PTPRZ1: variants seen among roughly 807,000 people sequenced by gnomAD.
PTPRZ1 encodes the protein protein tyrosine phosphatase receptor type Z1, also known as receptor-type tyrosine-protein phosphatase zeta.
Under a neutral mutation model 214.1 loss-of-function variants are expected in PTPRZ1, and 82 were observed. The ratio of observed to expected loss-of-function variants is 0.38; its 90% CI spans 0.32 to 0.46. The LOEUF is 0.46. PTPRZ1 is among the 20% of genes least tolerant of loss of function. The probability of loss-of-function intolerance (pLI) is 1.00; values close to 1 mark genes in which losing one functional copy is unlikely to be tolerated. For synonymous variants in PTPRZ1, 945 were observed against 987.9 expected, an observed-to-expected ratio of 0.96 and a Z score of 0.81; for missense variants, 2,603 against 2,748.7, an observed-to-expected ratio of 0.95 and a Z score of 1.19.
At chr7:121,929,857 A>G (rs1427932424) in intron 2 of PTPRZ1, among the ~76,000 whole-genome samples, 1 of 130,950 alleles carries the variant, frequency 7.6e-6, no homozygotes, top group Non-Finnish European at 1.6e-5. Flanking sequence ...TAAATAAATA[A>G]ATAGATTTGT....
intron 8 of PTPRZ1, among the ~76,000 whole-genome samples, chr7:121,988,187 A>G (rs573611515): frequency 6.6e-6 from 1 of 152,214 alleles, no homozygotes; most frequent in African/African-American, 2.4e-5. Flanking sequence ...AAATAAATAA[A>G]TACATAAATA....
At position 121,997,909 on chromosome 7, in the gene PTPRZ1, T is replaced by C; in HGVS notation, c.1143T>C (p.Asn381=). 1 of 1,609,736 alleles carries C rather than the reference T, an allele frequency of 6.2e-7. No homozygotes were observed. Among genetic ancestry groups the C allele is most frequent in the Non-Finnish European group, 8.5e-7 (1 of 1,176,650 alleles). The change falls in exon 10 of 30, where the codon AAT becomes AAC. Residue 381 remains asparagine (N), a synonymous_variant. Transcript: ENST00000393386. ...CTATTCTCAATAATTTGCTACCCAA[T>C]ATGAGTTATGTTCTTCAGATAGTAG... The part of the protein sequence containing the change: ...LGAILNNLLP[N]MSYVLQIVAI...
intron 1 of PTPRZ1, among the ~76,000 whole-genome samples, chr7:121,902,303 A>G (rs1254442954): frequency 6.6e-6 from 1 of 152,208 alleles, no homozygotes; most frequent in Non-Finnish European, 1.5e-5. Flanking sequence ...TAGTGCTGCA[A>G]TAATAGGAGT....
chr7:122,005,160 A>T lies in PTPRZ1; in HGVS notation c.1287+500A>T, dbSNP rs1798447237. Among the ~76,000 whole-genome samples the T allele has an allele frequency of 2.6e-5, 4 of 152,034 alleles. No homozygotes were observed. In the South Asian group the frequency reaches 8.3e-4, roughly 31 times the overall value. On this transcript the variant is annotated intron_variant, in intron 11 of 29. Transcript: ENST00000393386. ...TTGATAAATATTAATTTACTCAAAG[A>T]ACATTGTGCTGACAACAGGCACTTA...
Position 122,038,757 on chromosome 7 carries a change from C to T in PTPRZ1, c.5370C>T (p.Gly1790=). The change falls in exon 19 of 30, where the codon GGC becomes GGT. Residue 1790 remains glycine, a splice_region_variant and synonymous_variant. Coordinates refer to ENST00000393386, the MANE Select transcript of PTPRZ1 (RefSeq NM_002851.3). ...ACATTTGTCATTTAATTCTTCAGGG[C>T]TACAACAGACCAAAAGCTTATATTG... The part of the protein sequence containing the change: ...TDYINANYVD[G]YNRPKAYIAA... The T allele has an allele frequency of 6.2e-7, 1 of 1,613,354 alleles. No homozygotes were observed. Among genetic ancestry groups the T allele is most frequent in the Non-Finnish European group, 8.5e-7 (1 of 1,179,540 alleles).
In PTPRZ1 at chr7:122,061,100, CAA is replaced by C; in HGVS notation, c.6830_6831del (p.Lys2277SerfsTer21). 1 of 1,608,876 alleles carries C rather than the reference CAA, an allele frequency of 6.2e-7. No individual in the cohort carries two copies. On this transcript the variant is annotated frameshift_variant, in exon 30 of 30. Transcript: ENST00000393386. LOFTEE classifies it high-confidence loss of function. ...TCTAGGAGCAGTATCAGTTTCTCTA[CAA>C]AGTGATCCTCAGCCTTGTGAGCACA... ...ADIEQYQFLY[K>X]VILSLVSTRQ...
At chr7:121,896,401 T>C (rs961600896) in intron 1 of PTPRZ1, among the ~76,000 whole-genome samples, 1 of 152,210 alleles carries the variant, frequency 6.6e-6, no homozygotes, top group African/African-American at 2.4e-5. Context: ...CTACTTTAGA[T>C]ACTACAGCAT....
At chr7:121,996,294 C>G (rs931963974) in intron 8 of PTPRZ1, 88 bp from the exon 9 acceptor site, 2 of 960,792 alleles carry the variant, frequency 2.1e-6, no homozygotes, top group African/African-American at 3.4e-5. Context: ...TGAAATAAAA[C>G]ACAATAAAAT....
intron 1 of PTPRZ1, 152 bp downstream of exon 1, chr7:121,873,709 G>A (rs115061777): frequency 0.036 from 32,665 of 917,046 alleles, 3,548 homozygotes; most frequent in African/African-American, 0.33. Flanking sequence ...GCGGGCGGCC[G>A]CGCGGTGCAG....
At position 122,011,113 on chromosome 7, in the gene PTPRZ1, A is replaced by C. The variant is rs745745880; in HGVS notation, c.2067A>C (p.Thr689=). Residue 689 remains threonine (T), a synonymous_variant, in exon 12 of 30, where the codon ACA becomes ACC. Coordinates refer to ENST00000393386, the MANE Select transcript of PTPRZ1 (RefSeq NM_002851.3). ...TACGTGTTGATGAATCTGAGAAGAC[A>C]ACCAAGTCCTTTTCTGCAGGCCCAG... The part of the protein sequence containing the change: ...TEIRVDESEK[T]TKSFSAGPVM... The C allele has an allele frequency of 1.9e-6, 3 of 1,614,124 alleles. No homozygotes were observed. The highest frequency in any genetic ancestry group is 2.5e-6 in the Non-Finnish European group (3 of 1,180,014).
chr7:121,875,421 A>G (rs916904340), intron 1 of PTPRZ1, among the ~76,000 whole-genome samples: 1 of 152,220 alleles, frequency 6.6e-6, no homozygotes, highest in Admixed American at 6.5e-5. Context: ...CATTATGCCA[A>G]TATACTAAAT....
At chr7:122,001,738 T>G (rs1798331424) in intron 10 of PTPRZ1, among the ~76,000 whole-genome samples, 3 of 151,972 alleles carry the variant, frequency 2.0e-5, no homozygotes, top group South Asian at 2.1e-4. Context: ...TCCTAATGTG[T>G]TTTTTTTAAT....
At chr7:121,963,014 T>C (rs910035086) in intron 2 of PTPRZ1, among the ~76,000 whole-genome samples, 4 of 152,102 alleles carry the variant, frequency 2.6e-5, no homozygotes, top group African/African-American at 9.7e-5. Context: ...TTGTTGGTTT[T>C]TCCACTAAAA....
intron 6 of PTPRZ1, among the ~76,000 whole-genome samples, chr7:121,981,666 G>A (rs1467977151): frequency 6.6e-6 from 1 of 152,126 alleles, no homozygotes; most frequent in Non-Finnish European, 1.5e-5. Flanking sequence ...ATTGTTTCAG[G>A]GTTTGAAGGC....
chr7:121,975,524 A>G (rs555827409), intron 4 of PTPRZ1, among the ~76,000 whole-genome samples: 6 of 152,264 alleles, frequency 3.9e-5, no homozygotes, highest in African/African-American at 1.2e-4. Context: ...TGTTTCTCCC[A>G]TCAGAGCACT....
At chr7:121,939,001 C>T (rs1326541903) in intron 2 of PTPRZ1, among the ~76,000 whole-genome samples, 1 of 152,160 alleles carries the variant, frequency 6.6e-6, no homozygotes, top group Non-Finnish European at 1.5e-5. Flanking sequence ...CAGGGCAAAA[C>T]TTTGACTATC....
Position 122,012,786 on chromosome 7 carries a change from C to T in PTPRZ1, c.3740C>T (p.Ser1247Leu), listed in dbSNP as rs762766072. 9.9e-6 allele frequency: 16 copies of T among 1,611,252 alleles called. No homozygotes were observed. The highest frequency in any genetic ancestry group is 5.0e-5 in the Admixed American group (3 of 59,976). ...HSTSVPVFDV[S>L]PTSHMHSASL... ...ACATCTGTACCAGTTTTTGATGTGT[C>T]GCCTACTTCTCATATGCACTCTGCT... Residue 1247 changes from serine to leucine, a missense_variant, in exon 12 of 30, where the codon TCG (serine) becomes TTG (leucine). This residue lies in a region of PTPRZ1 where 1,913 missense variants were observed against 1,914.3 expected (regional missense o/e 1.00). Coordinates refer to ENST00000393386, the MANE Select transcript of PTPRZ1 (RefSeq NM_002851.3).
At chr7:121,983,135 A>G (rs1797663710) in intron 6 of PTPRZ1, among the ~76,000 whole-genome samples, 1 of 152,162 alleles carries the variant, frequency 6.6e-6, no homozygotes, top group Admixed American at 6.5e-5. Context: ...ATTTTTTCCT[A>G]TACAATCTTA....
chr7:122,036,809 A>G (rs1338156970), intron 18 of PTPRZ1, 127 bp downstream of exon 18: 2 of 634,930 alleles, frequency 3.1e-6, no homozygotes. Flanking sequence ...TAAAAATGGT[A>G]AAGTAACAGT....
Sources: allele counts gnomAD v4.1 joint callset (sites outside exome capture counted in the v4.1 genomes callset), GRCh38; gene constraint gnomAD v4.1.1; regional missense constraint gnomAD v4.1.1; transcripts MANE v1.5; gene names NCBI Gene and HGNC (gene_info 2026-07-23, HGNC 2026-07-21).